Variants in ZFR2 observed in about 807,000 individuals in gnomAD.
ZFR2 encodes the protein zinc finger RNA-binding protein 2.
ZFR2 carries 104 observed loss-of-function variants against 105.7 expected under a neutral mutation model. That is an observed-to-expected ratio of 0.98 (90% CI 0.84 to 1.16). ZFR2 has a LOEUF of 1.16. ZFR2 is among the 50% of genes most tolerant of loss of function. The pLI, the probability that ZFR2 is intolerant of heterozygous loss-of-function variation, is 0.00. For missense variants in ZFR2, 1,425 were observed against 1,355.5 expected (o/e 1.05, Z -0.80); for synonymous variants, 634 against 597.7 (o/e 1.06, Z -0.89).
intron 3 of ZFR2, 62 bp downstream of exon 3, chr19:3,833,602 G>C: frequency 3.8e-6 from 5 of 1,321,986 alleles, no homozygotes; most frequent in Non-Finnish European, 4.1e-6. Context: ...AGTTTCCCAA[G>C]GTTTCCCTGT....
At chr19:3,866,433 GGT>G (rs2145200749) in intron 1 of ZFR2, among the ~76,000 whole-genome samples, 2 of 21,548 alleles carry the variant, frequency 9.3e-5, no homozygotes, top group African/African-American at 9.8e-4. Flanking sequence ...GAACACAGAA[GGT>G]AGCTGTGCTA....
intron 1 of ZFR2, among the ~76,000 whole-genome samples, chr19:3,851,188 A>T (rs995167934): frequency 2.0e-5 from 3 of 152,194 alleles, no homozygotes; most frequent in Non-Finnish European, 4.4e-5. Flanking sequence ...CATTAAGGAC[A>T]CGAGACACAC....
intron 1 of ZFR2, among the ~76,000 whole-genome samples, chr19:3,841,846 T>C (rs1209504038): frequency 6.6e-6 from 1 of 150,794 alleles, no homozygotes; most frequent in Non-Finnish European, 1.5e-5. Flanking sequence ...GAGTGCAGTG[T>C]CACAATCTTG....
chr19:3,850,948 A>G (rs1204798473), intron 1 of ZFR2, among the ~76,000 whole-genome samples: 2 of 150,954 alleles, frequency 1.3e-5, no homozygotes, highest in Admixed American at 6.6e-5. Flanking sequence ...GCACATGGAC[A>G]GAGAAAAAGC....
At chr19:3,810,889 G>A in intron 15 of ZFR2, 44 bp from the exon 16 acceptor site, 5 of 1,541,520 alleles carry the variant, frequency 3.2e-6, no homozygotes, top group Non-Finnish European at 4.4e-6. Flanking sequence ...GGCTCACGTG[G>A]CCACACGGCA....
chr19:3,862,513 G>A (rs1421372559), intron 1 of ZFR2, among the ~76,000 whole-genome samples: 3 of 152,162 alleles, frequency 2.0e-5, no homozygotes, highest in Admixed American at 6.5e-5. Context: ...GGCCAGGCTG[G>A]TCTGGAACTC....
intron 12 of ZFR2, among the ~76,000 whole-genome samples, chr19:3,817,081 C>T (rs556308425): frequency 1.3e-5 from 2 of 152,160 alleles, no homozygotes. Context: ...GTAGCCGGGA[C>T]GCGTGGCCAA....
At chr19:3,860,770 A>G (rs1173963446) in intron 1 of ZFR2, among the ~76,000 whole-genome samples, 1 of 152,146 alleles carries the variant, frequency 6.6e-6, no homozygotes, top group Non-Finnish European at 1.5e-5. Context: ...CTTGTGCACC[A>G]AACTGGCCGA....
chr19:3,855,680 G>A, intron 1 of ZFR2: 1 of 374,770 alleles, frequency 2.7e-6, no homozygotes, highest in East Asian at 3.8e-5. Flanking sequence ...CTTTCTCACG[G>A]GCTGGTCATG....
chr19:3,839,645 T>C (rs1488764432), intron 1 of ZFR2, among the ~76,000 whole-genome samples: 2 of 138,870 alleles, frequency 1.4e-5, no homozygotes, highest in African/African-American at 5.3e-5. Flanking sequence ...TATGACAAAA[T>C]ATTTCAAACA....
chr19:3,810,099 C>T (rs558959851), intron 16 of ZFR2, among the ~76,000 whole-genome samples: 5 of 152,224 alleles, frequency 3.3e-5, no homozygotes, highest in Non-Finnish European at 5.9e-5. Flanking sequence ...GGAGGGACCA[C>T]GGGCAAGACA....
intron 9 of ZFR2, 39 bp from the exon 10 acceptor site, chr19:3,821,518 G>C (rs1327731851): frequency 1.3e-6 from 2 of 1,521,858 alleles, no homozygotes; most frequent in East Asian, 4.7e-5. Flanking sequence ...TAGGGACCTT[G>C]CTTTAGACAG....
Position 3,805,070 on chromosome 19 carries a change from C to T in ZFR2, c.*879G>A, listed in dbSNP as rs1444204461. On this transcript the variant is annotated 3_prime_UTR_variant, in exon 19 of 19. Coordinates refer to ENST00000262961, the MANE Select transcript of ZFR2 (RefSeq NM_015174.2). ...AATTTTTTGTAGAGATGGGGTGTCA[C>T]CATATTGCCCAGACTGATCTTAAAC... 2 of 152,020 alleles carry T rather than the reference C, an allele frequency of 1.3e-5. No individual in the cohort carries two copies. The highest frequency in any genetic ancestry group is 3.9e-4 in the East Asian group (2 of 5,108). 9.4% of individuals were successfully genotyped at this position (152,020 alleles called of 1,614,324 possible).
At chr19:3,810,952 T>C (rs2037757091) in intron 15 of ZFR2, 107 bp from the exon 16 acceptor site, 1 of 1,271,898 alleles carries the variant, frequency 7.9e-7, no homozygotes, top group Non-Finnish European at 1.1e-6. Context: ...ATAGGGAGCC[T>C]GGCGGGCCTC....
intron 16 of ZFR2, among the ~76,000 whole-genome samples, chr19:3,809,235 C>T (rs901191503): frequency 7.2e-5 from 11 of 152,188 alleles, no homozygotes; most frequent in African/African-American, 1.4e-4. Flanking sequence ...TGCAGTGGCA[C>T]GATCTCAGCT....
chr19:3,847,950 G>T (rs2145178054), intron 1 of ZFR2, among the ~76,000 whole-genome samples: 1 of 152,310 alleles, frequency 6.6e-6, no homozygotes, highest in South Asian at 2.1e-4. Flanking sequence ...GACAGGACAG[G>T]ATGGAGACTG....
rs1174898721 is a variant in ZFR2 at position 3,822,064 on chromosome 19, C to T, written c.1491+17G>A. ...CACAGCCCGGACGGGTGTCGGAGCT[C>T]CCCCTGCTGGACGCACCCGGTACTG... On this transcript the variant is annotated intron_variant, in intron 9 of 18. Transcript: ENST00000262961. 3 of 1,583,588 alleles carry T rather than the reference C, an allele frequency of 1.9e-6. No homozygotes were observed. The highest frequency in any genetic ancestry group is 3.6e-5 in the Admixed American group (2 of 55,798).
intron 16 of ZFR2, among the ~76,000 whole-genome samples, 180 bp from the exon 17 acceptor site, chr19:3,809,163 G>A (rs528464163): frequency 8.9e-4 from 135 of 152,288 alleles, no homozygotes; most frequent in African/African-American, 3.2e-3. Context: ...CTCCTGGCAC[G>A]GCCACAGGCT....
intron 5 of ZFR2, among the ~76,000 whole-genome samples, chr19:3,830,564 G>C (rs1373660849): frequency 2.0e-5 from 3 of 152,196 alleles, no homozygotes; most frequent in African/African-American, 7.2e-5. Flanking sequence ...GGGGCGGGAG[G>C]GGTCCTGAGC....
Sources: gnomAD v4.1 joint callset for allele counts (sites outside exome capture counted in the v4.1 genomes callset) on GRCh38, gnomAD v4.1.1 for gene constraint, MANE v1.5 for transcripts, NCBI Gene and HGNC (gene_info 2026-07-23, HGNC 2026-07-21) for gene names.